Variants in TASP1 observed in about 807,000 individuals in gnomAD.
The protein encoded by TASP1 is threonine aspartase 1.
A neutral mutation model predicts 56.6 loss-of-function variants in TASP1; 16 were observed. The ratio of observed to expected loss-of-function variants is 0.28; its 90% CI spans 0.19 to 0.43. The LOEUF (loss-of-function observed/expected upper bound fraction) is 0.43, where lower values mean the gene tolerates loss of function less well. Ranked by LOEUF, TASP1 falls within the 20% of genes least tolerant of loss-of-function variation. The probability of loss-of-function intolerance (pLI) is 1.00; values close to 1 mark genes in which losing one functional copy is unlikely to be tolerated. For missense variants in TASP1, 393 were observed against 511.6 expected (o/e 0.77, Z 2.24); for synonymous variants, 179 against 184.2 (o/e 0.97, Z 0.23).
chr20:13,601,847 C>CTTT (rs2047968810), intron 4 of TASP1, among the ~76,000 whole-genome samples: 1 of 149,030 alleles, frequency 6.7e-6, no homozygotes, highest in Non-Finnish European at 1.5e-5. Flanking sequence ...GGTCTTCCAC[C>CTTT]TAAAAACCCA....
intron 10 of TASP1, among the ~76,000 whole-genome samples, chr20:13,483,750 A>C (rs1171317817): frequency 2.0e-5 from 3 of 152,180 alleles, no homozygotes; most frequent in Non-Finnish European, 4.4e-5. Context: ...AGGCATGGGC[A>C]AGGACTTCAT....
At chr20:13,398,597 A>G (rs776086831) in intron 13 of TASP1, among the ~76,000 whole-genome samples, 1 of 152,220 alleles carries the variant, frequency 6.6e-6, no homozygotes, top group Non-Finnish European at 1.5e-5. Context: ...ACTACAAAAA[A>G]TATGCTGAAA....
the TASP1 span, among the ~76,000 whole-genome samples, chr20:13,206,867 T>A: frequency 1.2e-4 from 18 of 152,314 alleles, no homozygotes; most frequent in African/African-American, 4.3e-4. Flanking sequence ...GGTTGGTGAA[T>A]GCACACATAG....
intron 12 of TASP1, among the ~76,000 whole-genome samples, chr20:13,423,939 A>C (rs1376399999): frequency 6.6e-6 from 1 of 152,146 alleles, no homozygotes; most frequent in African/African-American, 2.4e-5. Flanking sequence ...AAAACGTCCA[A>C]TTTGTTTCTT....
the TASP1 span, chr20:13,117,565 C>T: frequency 1.9e-6 from 3 of 1,612,796 alleles, no homozygotes; most frequent in South Asian, 1.1e-5. Flanking sequence ...AAATACAAGG[C>T]TTACCTCTAC....
At chr20:13,188,581 T>C in the TASP1 span, among the ~76,000 whole-genome samples, 5 of 152,146 alleles carry the variant, frequency 3.3e-5, no homozygotes, top group Non-Finnish European at 7.4e-5. Context: ...GATTGAAAGA[T>C]TATTGTTGTT....
intron 13 of TASP1, among the ~76,000 whole-genome samples, chr20:13,396,803 T>C (rs1568744863): frequency 6.6e-6 from 1 of 152,196 alleles, no homozygotes; most frequent in Non-Finnish European, 1.5e-5. Context: ...GGATGCCAGA[T>C]GAAACACAAA....
Position 13,434,838 on chromosome 20 carries a change from T to G in TASP1, c.1096+206A>C, listed in dbSNP as rs2042947169. 1.3e-5 allele frequency among the ~76,000 whole-genome samples: 2 copies of G among 152,168 alleles called. 1 individual carries two copies. Among genetic ancestry groups the G allele is most frequent in the South Asian group, 4.1e-4 (2 of 4,826 alleles). On this transcript the variant is annotated intron_variant, in intron 12 of 13. Coordinates refer to ENST00000337743, the MANE Select transcript of TASP1 (RefSeq NM_017714.3). ...TGGTTCTAAGCTTATTTGAAATATA[T>G]TCTCTAAGTGTATACTTAAAAATGA...
the TASP1 span, among the ~76,000 whole-genome samples, chr20:13,336,731 T>G: frequency 1.3e-5 from 2 of 151,408 alleles, no homozygotes; most frequent in African/African-American, 4.9e-5. Flanking sequence ...GTCAATGTTT[T>G]CTGCCTAAAA....
At chr20:13,564,066 G>C (rs2046435176) in intron 7 of TASP1, among the ~76,000 whole-genome samples, 1 of 152,040 alleles carries the variant, frequency 6.6e-6, no homozygotes, top group African/African-American at 2.4e-5. Context: ...AGAAGTCCTA[G>C]AAGTACTGGA....
At chr20:13,354,919 AAAC>A in the TASP1 span, among the ~76,000 whole-genome samples, 6 of 152,238 alleles carry the variant, frequency 3.9e-5, no homozygotes, top group Middle Eastern at 3.2e-3. Flanking sequence ...TGCAGCTGAA[AAAC>A]AACAACCAAA....
intron 11 of TASP1, among the ~76,000 whole-genome samples, chr20:13,480,204 G>A (rs1230476563): frequency 6.6e-6 from 1 of 152,134 alleles, no homozygotes; most frequent in Non-Finnish European, 1.5e-5. Flanking sequence ...TTTAGAAACT[G>A]CCTCTTATCT....
At chr20:13,137,147 C>G in the TASP1 span, among the ~76,000 whole-genome samples, 1 of 152,144 alleles carries the variant, frequency 6.6e-6, no homozygotes, top group South Asian at 2.1e-4. Flanking sequence ...AAACTAATTG[C>G]TATCAGACCA....
At chr20:13,518,523 A>G (rs1470722885) in intron 10 of TASP1, among the ~76,000 whole-genome samples, 6 of 152,060 alleles carry the variant, frequency 3.9e-5, no homozygotes, top group African/African-American at 1.2e-4. Flanking sequence ...AGACTCAATC[A>G]TCTTCTTCAG....
intron 4 of TASP1, among the ~76,000 whole-genome samples, chr20:13,588,723 C>A (rs1005347959): frequency 1.3e-5 from 2 of 152,172 alleles, no homozygotes; most frequent in Admixed American, 1.3e-4. Context: ...AATGTTGTTA[C>A]AATGGCAATA....
the TASP1 span, among the ~76,000 whole-genome samples, chr20:13,117,099 A>G: frequency 6.6e-6 from 1 of 152,390 alleles, no homozygotes; most frequent in Admixed American, 6.5e-5. Context: ...TAAGTCAAAC[A>G]GACCTGGCCA....
chr20:13,505,817 A>G (rs890663814), intron 10 of TASP1, among the ~76,000 whole-genome samples: 19 of 152,106 alleles, frequency 1.2e-4, no homozygotes, highest in Non-Finnish European at 2.5e-4. Context: ...GAAAGACCTT[A>G]AACAAACAAC....
At chr20:13,410,202 C>A (rs1718764265) in intron 13 of TASP1, among the ~76,000 whole-genome samples, 1 of 152,194 alleles carries the variant, frequency 6.6e-6, no homozygotes, top group Admixed American at 6.5e-5. Flanking sequence ...ATACAGACTA[C>A]ATTTTCTTGA....
chr20:13,412,263 G>T (rs1310128421), intron 13 of TASP1, among the ~76,000 whole-genome samples: 1 of 152,040 alleles, frequency 6.6e-6, no homozygotes, highest in African/African-American at 2.4e-5. Flanking sequence ...TTAAAAATTT[G>T]GCTGATTTGT....
Sources: allele counts gnomAD v4.1 joint callset (sites outside exome capture counted in the v4.1 genomes callset), GRCh38; gene constraint gnomAD v4.1.1; transcripts MANE v1.5; gene names NCBI Gene and HGNC (gene_info 2026-07-23, HGNC 2026-07-21).